The following SEMA3F variants were observed in gnomAD, a reference collection of about 807,000 sequenced individuals.
SEMA3F encodes the protein semaphorin 3F.
A neutral mutation model predicts 98.5 loss-of-function variants in SEMA3F; 30 were observed. That is an observed-to-expected ratio of 0.30 (90% confidence interval 0.23 to 0.41). The LOEUF (loss-of-function observed/expected upper bound fraction) is 0.41, where lower values mean the gene tolerates loss of function less well. SEMA3F is among the 10% of genes least tolerant of loss of function. The pLI is 1.00. For synonymous variants in SEMA3F, 380 were observed against 444.8 expected, an observed-to-expected ratio of 0.85 and a Z score of 1.83; for missense variants, 866 against 1,119.3, an observed-to-expected ratio of 0.77 and a Z score of 3.23.
Position 50,182,688 on chromosome 3 carries a change from C to T in SEMA3F, c.808C>T (p.Arg270Cys), listed in dbSNP as rs1357581121. The change falls in exon 9 of 19, where the codon CGC (arginine) becomes TGC (cysteine). Residue 270 changes from arginine (R) to cysteine (C), a missense_variant. This residue lies in a region of SEMA3F where 374 missense variants were observed against 582.8 expected (regional missense o/e 0.64). Coordinates refer to ENST00000002829, the MANE Select transcript of SEMA3F (RefSeq NM_004186.5). This position sits in a 1 kb window ranked among gnomAD's most constrained non-coding sequence, Gnocchi z 4.5. ...TGAGCTCATTCCTGACAGTGCGGAGCGCAATGATGATAAGCTTTACTTCTT... is the reference window on the plus strand; with the variant it reads ...TGAGCTCATTCCTGACAGTGCGGAGTGCAATGATGATAAGCTTTACTTCTT... ...HAELIPDSAE[R>C]NDDKLYFFFR... The T allele has an allele frequency of 1.8e-5, 29 of 1,613,746 alleles. No individual in the cohort carries two copies. The highest frequency in any genetic ancestry group is 2.3e-5 in the Non-Finnish European group (27 of 1,180,028).
intron 1 of SEMA3F, among the ~76,000 whole-genome samples, chr3:50,157,186 G>C: frequency 6.6e-6 from 1 of 151,706 alleles, no homozygotes; most frequent in Non-Finnish European, 1.5e-5. Context: ...AAGCCTGGGC[G>C]GTCTGGATCC....
rs886293564 is a variant in SEMA3F, at chr3:50,176,212, T to C, written c.550-556T>C. ...GTGCTGAGGGACAGGAGAAAGGTCATGGCCCATTGGTCCATCCTGAGGACC... is the reference window on the plus strand; with the variant it reads ...GTGCTGAGGGACAGGAGAAAGGTCACGGCCCATTGGTCCATCCTGAGGACC... On this transcript the variant is annotated intron_variant, in intron 6 of 18. Transcript: ENST00000002829. 6.6e-5 allele frequency among the ~76,000 whole-genome samples: 10 copies of C among 151,998 alleles called. No homozygotes were observed. In the East Asian group the frequency reaches 1.9e-3, roughly 29 times the overall value.
intron 7 of SEMA3F, among the ~76,000 whole-genome samples, chr3:50,181,138 GA>G: frequency 6.6e-6 from 1 of 151,628 alleles, no homozygotes; most frequent in African/African-American, 2.4e-5. Flanking sequence ...ATATGCTGTT[GA>G]AAAAATGGTG....
Position 50,187,712 on chromosome 3 carries a change from C to A in SEMA3F, c.1955C>A (p.Ala652Glu). 1.3e-6 allele frequency: 2 copies of A among 1,588,824 alleles called. No homozygotes were observed. The highest frequency in any genetic ancestry group is 1.1e-5 in the South Asian group (1 of 88,676). Reference sequence around the variant, plus strand: ...CTCTCCTTGCCCCTGCAGATTCGTGCAGAGGACCGCTTCCTGCGCACAGAG... The same window carrying A: ...CTCTCCTTGCCCCTGCAGATTCGTGAAGAGGACCGCTTCCTGCGCACAGAG... ...DPGDRRREIR[A>E]EDRFLRTEQG... Residue 652 changes from alanine to glutamate, a missense_variant, in exon 19 of 19, where the codon GCA becomes GAA. Coordinates refer to ENST00000002829, the MANE Select transcript of SEMA3F (RefSeq NM_004186.5).
Position 50,174,225 on chromosome 3 carries a change from C to T in SEMA3F, c.337-6C>T. Reference sequence around the variant, plus strand: ...GGCACCTATGCAGCCTTCCCTGTGGCCCCAGGGCGAGTGTGGGAACTTCGT... The same window carrying T: ...GGCACCTATGCAGCCTTCCCTGTGGTCCCAGGGCGAGTGTGGGAACTTCGT... On this transcript the variant is annotated splice_region_variant and splice_polypyrimidine_tract_variant and intron_variant, in intron 4 of 18. Transcript: ENST00000002829. The T allele has an allele frequency of 6.2e-7, 1 of 1,613,692 alleles. No individual in the cohort carries two copies. The highest frequency in any genetic ancestry group is 8.5e-7 in the Non-Finnish European group (1 of 1,179,892).
intron 4 of SEMA3F, 57 bp from the exon 5 acceptor site, chr3:50,174,174 C>T (rs1313092399): frequency 8.7e-6 from 14 of 1,613,782 alleles, no homozygotes; most frequent in Middle Eastern, 3.3e-4. Context: ...AGGTACTGCC[C>T]CCAGTGAGGG....
intron 2 of SEMA3F, among the ~76,000 whole-genome samples, chr3:50,167,016 CCT>C (rs1698431075): frequency 6.6e-6 from 1 of 152,130 alleles, no homozygotes; most frequent in Non-Finnish European, 1.5e-5. Flanking sequence ...AGAACAATCC[CCT>C]CTTTCCATCC....
chr3:50,187,622 C>T, intron 18 of SEMA3F, 83 bp from the exon 19 acceptor site: 1 of 1,254,226 alleles, frequency 8.0e-7, no homozygotes, highest in Non-Finnish European at 1.1e-6. Context: ...ACGGAATGGC[C>T]ACAAAGGTGG....
Position 50,160,501 on chromosome 3 carries a change from C to T in SEMA3F, c.112+767C>T, listed in dbSNP as rs546331544. ...TACACACATGGGTGTACAAATGGCTCACTCGAGAGCCACTTCCTCAAGGGT... is the reference window on the plus strand; with the variant it reads ...TACACACATGGGTGTACAAATGGCTTACTCGAGAGCCACTTCCTCAAGGGT... On this transcript the variant is annotated intron_variant, in intron 2 of 18. Transcript: ENST00000002829. Among the ~76,000 whole-genome samples the T allele has an allele frequency of 2.5e-4, 38 of 152,342 alleles. 1 individual carries two copies. Among genetic ancestry groups the T allele is most frequent in the Admixed American group, 9.1e-4 (14 of 15,310 alleles).
At position 50,183,666 on chromosome 3, in the gene SEMA3F, C is replaced by T. The variant is rs1029322265; in HGVS notation, c.1233+102C>T. ...GGCCCCACCATCATGGCCCTCCCAG[C>T]CAGCGGAGGCGGTGAGCTGTAATGC... On this transcript the variant is annotated intron_variant, in intron 12 of 18. Coordinates refer to ENST00000002829, the MANE Select transcript of SEMA3F (RefSeq NM_004186.5). 10 of 1,288,292 alleles carry T rather than the reference C, an allele frequency of 7.8e-6. No individual in the cohort carries two copies. The South Asian group carries it at 9.5e-5, about 12-fold the overall frequency. The allele number at this position is 1,288,292 out of a possible 1,614,324, so 79.8% of individuals were successfully genotyped here. A position where few individuals can be genotyped will look rare whatever the true frequency, so the allele number is the denominator to read the frequency against.
intron 6 of SEMA3F, among the ~76,000 whole-genome samples, chr3:50,176,499 T>C (rs1178886387): frequency 6.6e-6 from 1 of 152,188 alleles, no homozygotes; most frequent in African/African-American, 2.4e-5. Context: ...GTCCATCTCA[T>C]AGCCCACAAG....
chr3:50,184,296 AGATGACAGGGGT>A (rs966374378), intron 12 of SEMA3F: 2 of 458,294 alleles, frequency 4.4e-6, no homozygotes, highest in African/African-American at 4.0e-5. Context: ...GAGAGGAAGG[AGATGACAGGGGT>A]GGGGAGGGGG....
intron 6 of SEMA3F, among the ~76,000 whole-genome samples, chr3:50,175,691 C>T (rs1253429780): frequency 7.0e-6 from 1 of 142,782 alleles, no homozygotes; most frequent in Non-Finnish European, 1.5e-5. Flanking sequence ...TGACCTGGGT[C>T]TGGGCTGGGA....
chr3:50,157,534 G>A (rs565116134), intron 1 of SEMA3F, among the ~76,000 whole-genome samples: 1 of 152,016 alleles, frequency 6.6e-6, no homozygotes, highest in South Asian at 2.1e-4. Flanking sequence ...AGGCATCTCG[G>A]GACTGGCAGA....
At chr3:50,171,729 C>G (rs1353942928) in intron 2 of SEMA3F, among the ~76,000 whole-genome samples, 1 of 152,102 alleles carries the variant, frequency 6.6e-6, no homozygotes, top group Non-Finnish European at 1.5e-5. Flanking sequence ...GGTGAGCGGC[C>G]AGGCGGGGGA....
At chr3:50,174,386 G>A (rs749640576) in intron 5 of SEMA3F, 36 bp downstream of exon 5, 316 of 1,585,402 alleles carry the variant, frequency 2.0e-4, no homozygotes, top group Middle Eastern at 5.1e-4. Context: ...TGCTGCCCCC[G>A]CTGGTGGCTG....
In SEMA3F at chr3:50,184,783, C is replaced by T. The variant is rs746201955; in HGVS notation, c.1425C>T (p.Asp475=). Residue 475 remains aspartate, a synonymous_variant, in exon 13 of 19, where the codon GAC becomes GAT. Transcript: ENST00000002829. The part of the protein sequence containing the change: ...TIAVDQVDAA[D]GRYEVLFLGT... ...CCGTGGACCAGGTGGATGCAGCCGACGGGCGCTATGAGGTGCTTTTCCTGG... is the reference window on the plus strand; with the variant it reads ...CCGTGGACCAGGTGGATGCAGCCGATGGGCGCTATGAGGTGCTTTTCCTGG... The T allele has an allele frequency of 2.9e-5, 46 of 1,613,898 alleles. No homozygotes were observed. Among genetic ancestry groups the T allele is most frequent in the East Asian group, 1.1e-4 (5 of 44,908 alleles).
At chr3:50,184,308 T>A in intron 12 of SEMA3F, 1 of 467,224 alleles carries the variant, frequency 2.1e-6, no homozygotes, top group Non-Finnish European at 3.9e-6. Context: ...ATGACAGGGG[T>A]GGGGAGGGGG....
chr3:50,183,073 C>T (rs879940922), intron 10 of SEMA3F, 55 bp downstream of exon 10: 33 of 1,574,206 alleles, frequency 2.1e-5, no homozygotes, highest in Non-Finnish European at 2.3e-5. Flanking sequence ...GGGATAGAGG[C>T]GGGATGGGCG....
Sources: allele counts gnomAD v4.1 joint callset (sites outside exome capture counted in the v4.1 genomes callset), GRCh38; gene constraint gnomAD v4.1.1; regional missense constraint gnomAD v4.1.1; non-coding constraint Gnocchi (gnomAD v3.1); transcripts MANE v1.5; gene names NCBI Gene and HGNC (gene_info 2026-07-23, HGNC 2026-07-21).